Variants in CDH23 observed in about 807,000 individuals in gnomAD.
CDH23 encodes the protein cadherin related 23, also known as cadherin-23.
In CDH23, 189 loss-of-function variants were observed where a neutral mutation model predicts 317.1. That is an observed-to-expected ratio of 0.60 (90% CI 0.53 to 0.67). CDH23 has a LOEUF of 0.67. Among genes scored for constraint, CDH23 ranks in the 30% least tolerant of loss-of-function variants. The pLI is 0.00. For synonymous variants in CDH23, 1,839 were observed against 1,876.8 expected, an observed-to-expected ratio of 0.98 and a Z score of 0.52; for missense variants, 4,401 against 4,592.4, an observed-to-expected ratio of 0.96 and a Z score of 1.20.
At chr10:71,505,383 T>G (rs1475824755) in intron 3 of CDH23, among the ~76,000 whole-genome samples, 10 of 152,194 alleles carry the variant, frequency 6.6e-5, no homozygotes, top group Non-Finnish European at 2.9e-5. Flanking sequence ...AAGTGAACTT[T>G]TAGGAGGGTT....
At chr10:71,407,528 AC>A (rs1284959394) in intron 1 of CDH23, among the ~76,000 whole-genome samples, 1 of 151,996 alleles carries the variant, frequency 6.6e-6, no homozygotes, top group African/African-American at 2.4e-5. Context: ...ACTTGCCTGG[AC>A]CCCAGCCCTT....
chr10:71,638,913 C>T lies in CDH23; in HGVS notation c.1135-4948C>T, dbSNP rs377289248. 1.3e-4 allele frequency among the ~76,000 whole-genome samples: 20 copies of T among 152,120 alleles called. No individual in the cohort carries two copies. The East Asian group carries it at 3.7e-3, about 28-fold the overall frequency. On this transcript the variant is annotated intron_variant, in intron 11 of 69. Transcript: ENST00000224721. Reference sequence around the variant, plus strand: ...GAGGGGGCAAGGTCTAGGGAAGTTGCGGGGCAGCCCTCCTGGCAGCCGGCT... The same window carrying T: ...GAGGGGGCAAGGTCTAGGGAAGTTGTGGGGCAGCCCTCCTGGCAGCCGGCT...
chr10:71,729,639 G>T (rs1470276365), intron 30 of CDH23, among the ~76,000 whole-genome samples: 1 of 152,152 alleles, frequency 6.6e-6, no homozygotes, highest in Admixed American at 6.5e-5. Context: ...CCGTGAGAAG[G>T]TGCACAAGTA....
chr10:71,667,348 A>AAGAGAGAGAG (rs71480588), intron 14 of CDH23, among the ~76,000 whole-genome samples: 30,427 of 121,274 alleles, frequency 0.25, 4,454 homozygotes, highest in Non-Finnish European at 0.28. Context: ...GAGGCAGAGA[A>AAGAGAGAGAG]AGAGAGAGAG....
At chr10:71,688,765 G>A (rs1865026879) in intron 19 of CDH23, among the ~76,000 whole-genome samples, 1 of 140,496 alleles carries the variant, frequency 7.1e-6, no homozygotes, top group South Asian at 2.4e-4. Flanking sequence ...GTGGAGCCAG[G>A]GATGGTGGAG....
intron 3 of CDH23, among the ~76,000 whole-genome samples, chr10:71,473,775 A>G (rs1017360485): frequency 3.9e-5 from 6 of 152,192 alleles, no homozygotes; most frequent in Non-Finnish European, 4.4e-5. Flanking sequence ...AGGCCCTTGC[A>G]GTATGGCTAC....
intron 28 of CDH23, among the ~76,000 whole-genome samples, chr10:71,718,877 G>A (rs923604488): frequency 6.6e-6 from 1 of 151,904 alleles, no homozygotes; most frequent in Non-Finnish European, 1.5e-5. Flanking sequence ...GAACAGCCTG[G>A]GCAACATAGT....
intron 22 of CDH23, among the ~76,000 whole-genome samples, chr10:71,701,431 C>G (rs1865579835): frequency 6.6e-6 from 1 of 152,150 alleles, no homozygotes; most frequent in African/African-American, 2.4e-5. Flanking sequence ...GTTAGGATGG[C>G]ACTGAGCACT....
chr10:71,811,478 C>G (rs373219086), intron 63 of CDH23, 33 bp from the exon 64 acceptor site: 1 of 1,614,024 alleles, frequency 6.2e-7, no homozygotes, highest in Non-Finnish European at 8.5e-7. Flanking sequence ...GCCCTCCCCA[C>G]TGCCCGGGCT....
chr10:71,473,472 T>A (rs917425729), intron 3 of CDH23, among the ~76,000 whole-genome samples: 1 of 152,122 alleles, frequency 6.6e-6, no homozygotes, highest in African/African-American at 2.4e-5. Flanking sequence ...AGAGTGCCCC[T>A]TTTGGGGGTG....
intron 28 of CDH23, among the ~76,000 whole-genome samples, chr10:71,718,173 G>C (rs1251112004): frequency 6.6e-6 from 1 of 152,222 alleles, no homozygotes; most frequent in Non-Finnish European, 1.5e-5. Context: ...AGCTCAGGAG[G>C]AGGAAAGATG....
intron 3 of CDH23, among the ~76,000 whole-genome samples, chr10:71,476,087 G>A (rs977467114): frequency 6.6e-6 from 1 of 152,166 alleles, no homozygotes; most frequent in South Asian, 2.1e-4. Flanking sequence ...GGGAGCTGAG[G>A]ATAACTGTAC....
intron 38 of CDH23, among the ~76,000 whole-genome samples, chr10:71,765,668 A>G (rs1165438776): frequency 6.6e-6 from 1 of 152,150 alleles, no homozygotes; most frequent in Admixed American, 6.5e-5. Context: ...TCAGAGAGAA[A>G]GCAGAGTTCA....
intron 7 of CDH23, 77 bp downstream of exon 7, chr10:71,567,013 T>A: frequency 1.5e-6 from 2 of 1,357,416 alleles, no homozygotes; most frequent in Non-Finnish European, 2.1e-6. Flanking sequence ...GGCATTCCAA[T>A]GGGACATTGA....
chr10:71,514,986 C>T (rs1281481553), intron 6 of CDH23, among the ~76,000 whole-genome samples: 1 of 152,246 alleles, frequency 6.6e-6, no homozygotes, highest in South Asian at 2.1e-4. Flanking sequence ...GCGTGCCCGC[C>T]TCGCTGACCT....
chr10:71,452,663 G>A (rs1174837034), intron 3 of CDH23, among the ~76,000 whole-genome samples: 1 of 152,128 alleles, frequency 6.6e-6, no homozygotes, highest in Non-Finnish European at 1.5e-5. Flanking sequence ...GTGGCTATTT[G>A]TGTGGAACTC....
At chr10:71,745,048 A>G (rs1839822166) in intron 38 of CDH23, among the ~76,000 whole-genome samples, 1 of 152,262 alleles carries the variant, frequency 6.6e-6, no homozygotes, top group Non-Finnish European at 1.5e-5. Context: ...GCACTAAACC[A>G]TATTTATTCA....
intron 1 of CDH23, among the ~76,000 whole-genome samples, chr10:71,436,370 C>T (rs1849619693): frequency 1.3e-5 from 2 of 152,260 alleles, no homozygotes; most frequent in African/African-American, 4.8e-5. Context: ...ATTATGCATG[C>T]ATGTGTATGC....
At chr10:71,701,496 G>A (rs1865582703) in intron 22 of CDH23, among the ~76,000 whole-genome samples, 1 of 152,088 alleles carries the variant, frequency 6.6e-6, no homozygotes, top group African/African-American at 2.4e-5. Flanking sequence ...AGGCCGGGGA[G>A]TTGAAGGGGC....
Sources: gnomAD v4.1 joint callset for allele counts (sites outside exome capture counted in the v4.1 genomes callset) on GRCh38, gnomAD v4.1.1 for gene constraint, MANE v1.5 for transcripts, NCBI Gene and HGNC (gene_info 2026-07-23, HGNC 2026-07-21) for gene names.